Variants in N4BP2L2 observed in about 807,000 individuals in gnomAD.
N4BP2L2 encodes the protein NEDD4-binding protein 2-like 2.
A neutral mutation model predicts 56.2 loss-of-function variants in N4BP2L2; 50 were observed. The ratio of observed to expected loss-of-function variants is 0.89; its 90% CI spans 0.71 to 1.13. The LOEUF (loss-of-function observed/expected upper bound fraction) is 1.13. N4BP2L2 is among the 50% of genes most tolerant of loss of function. The pLI is 0.00. For missense variants in N4BP2L2, 689 were observed against 693.8 expected (o/e 0.99, Z 0.08); for synonymous variants, 203 against 223.6 (o/e 0.91, Z 0.82).
At chr13:32,442,845 T>C in exon 7 of N4BP2L2, 1 of 1,613,690 alleles carries the variant, frequency 6.2e-7, no homozygotes, top group Non-Finnish European at 8.5e-7. Context: ...AAGGGGTAGC[T>C]TTGATAATAT....
intron 5 of N4BP2L2, among the ~76,000 whole-genome samples, chr13:32,519,287 C>T (rs2050115343): frequency 6.6e-6 from 1 of 151,126 alleles, no homozygotes; most frequent in African/African-American, 2.4e-5. Flanking sequence ...TGGTGGTGCA[C>T]ACTTGTAGTC....
exon 3 of N4BP2L2, chr13:32,527,523 A>C: frequency 1.2e-6 from 2 of 1,612,144 alleles, no homozygotes; most frequent in Non-Finnish European, 1.7e-6. Flanking sequence ...GATTCTGACC[A>C]AGCAGAATTC....
intron 6 of N4BP2L2, among the ~76,000 whole-genome samples, chr13:32,476,577 A>G (rs537395810): frequency 2.0e-4 from 31 of 152,196 alleles, no homozygotes; most frequent in Non-Finnish European, 3.7e-4. Flanking sequence ...GGCAGAAGTA[A>G]ATATAATCCT....
At chr13:32,500,971 C>T (rs1355571741) in intron 6 of N4BP2L2, among the ~76,000 whole-genome samples, 1 of 151,114 alleles carries the variant, frequency 6.6e-6, no homozygotes, top group South Asian at 2.1e-4. Flanking sequence ...TGGGTGCTAG[C>T]GGTTCTTCTG....
chr13:32,456,260 C>T lies in N4BP2L2; in HGVS notation c.366-12134G>A, dbSNP rs534765829. Among the ~76,000 whole-genome samples the T allele has an allele frequency of 3.3e-5, 5 of 152,308 alleles. No homozygotes were observed. In the East Asian group the frequency reaches 9.6e-4, roughly 29 times the overall value. Reference sequence around the variant, plus strand: ...CCTAATCCACTGAGAAAACCACAAACACCACAGATGCTGTTTACAGTTGAA... The same window carrying T: ...CCTAATCCACTGAGAAAACCACAAATACCACAGATGCTGTTTACAGTTGAA... On this transcript the variant is annotated intron_variant, in intron 6 of 9. Coordinates refer to the N4BP2L2 transcript ENST00000357505.
At chr13:32,521,891 G>A (rs898254068) in intron 4 of N4BP2L2, 2 of 326,072 alleles carry the variant, frequency 6.1e-6, no homozygotes, top group African/African-American at 2.2e-5. Flanking sequence ...CAGGAGAATC[G>A]CTTCAACTGG....
intron 6 of N4BP2L2, among the ~76,000 whole-genome samples, chr13:32,450,288 T>C (rs1358573975): frequency 6.6e-6 from 1 of 151,994 alleles, no homozygotes; most frequent in Admixed American, 6.6e-5. Context: ...TGGAAATACT[T>C]AGAACTGAAT....
chr13:32,448,436 C>T (rs903386480), intron 6 of N4BP2L2, among the ~76,000 whole-genome samples: 8 of 152,046 alleles, frequency 5.3e-5, no homozygotes, highest in Non-Finnish European at 8.8e-5. Flanking sequence ...GTTAGAGGCA[C>T]AGGATGTAGC....
intron 3 of N4BP2L2, among the ~76,000 whole-genome samples, chr13:32,526,071 A>G (rs972194301): frequency 3.3e-5 from 5 of 151,926 alleles, no homozygotes; most frequent in Non-Finnish European, 5.9e-5. Flanking sequence ...TCAAGCCTCT[A>G]ATCTAGAGCT....
exon 2 of N4BP2L2, chr13:32,536,979 C>T (rs764987466): frequency 1.9e-6 from 3 of 1,607,350 alleles, no homozygotes; most frequent in South Asian, 2.2e-5. Context: ...TCACTCGTTA[C>T]TTCTTCTCTA....
At chr13:32,476,660 G>A (rs919055492) in intron 6 of N4BP2L2, among the ~76,000 whole-genome samples, 5 of 152,052 alleles carry the variant, frequency 3.3e-5, no homozygotes, top group African/African-American at 1.2e-4. Flanking sequence ...AAAATGAGTA[G>A]CTCATAGCAA....
rs557687738 is a variant in N4BP2L2, at chr13:32,503,880, TA to T, written c.365+13976del. 1.5e-4 allele frequency among the ~76,000 whole-genome samples: 23 copies of T among 152,166 alleles called. No individual in the cohort carries two copies. In the South Asian group the frequency reaches 4.6e-3, roughly 30 times the overall value. ...GGGAAACACAGTGAGATCCCAGCTC[TA>T]AAAAAATTTTAAAATTAGCTGGGAG... On this transcript the variant is annotated intron_variant, in intron 6 of 9. Transcript: ENST00000357505.
At chr13:32,518,346 G>C (rs2049776652) in intron 5 of N4BP2L2, among the ~76,000 whole-genome samples, 1 of 152,124 alleles carries the variant, frequency 6.6e-6, no homozygotes, top group Admixed American at 6.6e-5. Context: ...AGATTGAGTG[G>C]ACTTCTAGGA....
At chr13:32,444,206 T>G in intron 6 of N4BP2L2, 1 of 1,103,538 alleles carries the variant, frequency 9.1e-7, no homozygotes, top group South Asian at 2.4e-5. Flanking sequence ...ATACTCTTCA[T>G]GTGCAGGTTT....
rs116780986 is a variant in N4BP2L2, at chr13:32,471,125, T to C, written c.366-26999A>G. Among the ~76,000 whole-genome samples the C allele has an allele frequency of 8.5e-4, 130 of 152,302 alleles. 2 individuals are homozygous for C. The highest frequency in any genetic ancestry group is 3.1e-3 in the African/African-American group (128 of 41,570). ...TAGGCAGTTTATCAAAGCTTATGTA[T>C]GTAACGGGCCTGTGTGTCCAGAAGC... is the stretch of plus-strand genomic sequence containing the variant. On this transcript the variant is annotated intron_variant, in intron 6 of 9. Transcript: ENST00000357505.
At chr13:32,488,176 AG>A (rs2139278666) in intron 6 of N4BP2L2, among the ~76,000 whole-genome samples, 1 of 152,340 alleles carries the variant, frequency 6.6e-6, no homozygotes, top group East Asian at 1.9e-4. Flanking sequence ...CAGCTACGTT[AG>A]GTTGGATTCA....
exon 6 of N4BP2L2, chr13:32,517,440 T>G (rs2049478015): frequency 1.0e-6 from 1 of 998,016 alleles, no homozygotes; most frequent in Non-Finnish European, 1.2e-6. Flanking sequence ...TAAAGTTTTA[T>G]GAAAAGTTAG....
At chr13:32,502,252 T>C (rs986325741) in intron 6 of N4BP2L2, among the ~76,000 whole-genome samples, 34 of 152,120 alleles carry the variant, frequency 2.2e-4, no homozygotes, top group African/African-American at 8.0e-4. Flanking sequence ...TTTATTTGTA[T>C]TTTTGGTAGA....
chr13:32,494,530 G>C (rs1490302671), intron 6 of N4BP2L2, among the ~76,000 whole-genome samples: 2 of 152,062 alleles, frequency 1.3e-5, no homozygotes, highest in African/African-American at 4.8e-5. Context: ...TTGGGAGGCC[G>C]AGGCGTGCAG....
Sources: allele counts gnomAD v4.1 joint callset (sites outside exome capture counted in the v4.1 genomes callset), GRCh38; gene constraint gnomAD v4.1.1; transcripts MANE v1.5; gene names NCBI Gene and HGNC (gene_info 2026-07-23, HGNC 2026-07-21).